GNAI1: variants seen among roughly 807,000 people sequenced by gnomAD.
GNAI1 encodes G protein subunit alpha i1, also known as guanine nucleotide-binding protein G(i) subunit alpha-1.
GNAI1 carries 11 observed loss-of-function variants against 38.9 expected under a neutral mutation model. The ratio of observed to expected loss-of-function variants is 0.28; its 90% confidence interval spans 0.18 to 0.47. The LOEUF (loss-of-function observed/expected upper bound fraction) is 0.47, where lower values mean the gene tolerates loss of function less well. GNAI1 is among the 20% of genes least tolerant of loss of function. The probability of loss-of-function intolerance (pLI) is 0.99; values close to 1 mark genes in which losing one functional copy is unlikely to be tolerated. For synonymous variants in GNAI1, 166 were observed against 145.1 expected (o/e 1.14, Z -1.04); for missense variants, 317 against 436.9 (o/e 0.73, Z 2.45).
chr7:80,225,438 T>A lies in GNAI1; in HGVS notation c.*7945T>A, dbSNP rs970952076. Among the ~76,000 whole-genome samples the A allele has an allele frequency of 7.9e-5, 12 of 152,196 alleles. No individual in the cohort carries two copies. The highest frequency in any genetic ancestry group is 2.9e-4 in the African/African-American group (12 of 41,458). ...GCCAAATCAAAAGATTAGTGGGGTT[T>A]TTTTTAATGTTGTTATTGTGTTGTG... is the stretch of plus-strand genomic sequence containing the variant. On this transcript the variant is annotated 3_prime_UTR_variant, in exon 8 of 8. Transcript: ENST00000649796.
At chr7:80,164,371 C>CT (rs932754419) in intron 1 of GNAI1, among the ~76,000 whole-genome samples, 17 of 145,736 alleles carry the variant, frequency 1.2e-4, no homozygotes, top group South Asian at 1.1e-3. Context: ...TCCTTTTTTT[C>CT]TTTTTTTTTG....
At chr7:80,147,421 G>C (rs1787643903) in intron 1 of GNAI1, among the ~76,000 whole-genome samples, 3 of 150,172 alleles carry the variant, frequency 2.0e-5, no homozygotes, top group Admixed American at 1.3e-4. Flanking sequence ...GTACCAAGAA[G>C]TGGCCATATG....
chr7:80,135,828 T>A (rs1203357873), intron 1 of GNAI1: 1 of 985,110 alleles, frequency 1.0e-6, no homozygotes, highest in African/African-American at 1.7e-5. Context: ...CTATGGCGAC[T>A]CCTTAAGTGG....
chr7:80,202,048 G>T (rs1788693194), intron 4 of GNAI1, among the ~76,000 whole-genome samples: 1 of 151,976 alleles, frequency 6.6e-6, no homozygotes, highest in Non-Finnish European at 1.5e-5. Context: ...ACTATTTTTA[G>T]AGATTTTTTT....
chr7:80,193,120 CG>C (rs1191789003), intron 3 of GNAI1, among the ~76,000 whole-genome samples: 15 of 152,032 alleles, frequency 9.9e-5, no homozygotes, highest in African/African-American at 3.4e-4. Context: ...GTAGAGTAAG[CG>C]CACCCCATTT....
At chr7:80,147,867 C>T (rs17153492) in intron 1 of GNAI1, among the ~76,000 whole-genome samples, 5,964 of 152,176 alleles carry the variant, frequency 0.039, 181 homozygotes, top group African/African-American at 0.089. Flanking sequence ...TCTTATGAAA[C>T]GTGTAAATTC....
intron 1 of GNAI1, among the ~76,000 whole-genome samples, chr7:80,142,378 C>G (rs922101523): frequency 6.6e-6 from 1 of 152,192 alleles, no homozygotes; most frequent in Non-Finnish European, 1.5e-5. Flanking sequence ...TTACTCAAGT[C>G]GTAATGTGAA....
chr7:80,184,821 C>T lies in GNAI1; in HGVS notation c.119-4130C>T, dbSNP rs375153643. On this transcript the variant is annotated intron_variant, in intron 1 of 7. Coordinates refer to ENST00000649796, the MANE Select transcript of GNAI1 (RefSeq NM_002069.6). ...TATAACATCACAACTTTGGCTTTAT[C>T]GCCACTGGCCAACCATAACCATTGC... 7.2e-5 allele frequency among the ~76,000 whole-genome samples: 11 copies of T among 152,260 alleles called. No individual in the cohort carries two copies. In the South Asian group the frequency reaches 8.3e-4, roughly 11 times the overall value.
intron 7 of GNAI1, 75 bp from the exon 8 acceptor site, chr7:80,217,228 A>ATGAAACTGACTTCAGTTTCATATGTT: frequency 1.0e-6 from 1 of 988,066 alleles, no homozygotes. Flanking sequence ...TTTCATATGT[A>ATGAAACTGACTTCAGTTTCATATGTT]TGAAACTGAA....
intron 6 of GNAI1, among the ~76,000 whole-genome samples, 195 bp from the exon 7 acceptor site, chr7:80,212,521 A>G (rs1429729516): frequency 2.0e-5 from 3 of 152,214 alleles, no homozygotes; most frequent in Non-Finnish European, 4.4e-5. Context: ...GTTGAATGCA[A>G]AAAGTGGTGA....
intron 1 of GNAI1, among the ~76,000 whole-genome samples, chr7:80,169,768 A>G (rs1383703301): frequency 6.6e-6 from 1 of 152,224 alleles, no homozygotes; most frequent in East Asian, 1.9e-4. Flanking sequence ...CCATTACCAT[A>G]ATCAATTTTG....
intron 1 of GNAI1, among the ~76,000 whole-genome samples, chr7:80,178,809 T>TA (rs1788240173): frequency 6.6e-6 from 1 of 152,168 alleles, no homozygotes; most frequent in Non-Finnish European, 1.5e-5. Context: ...GGTATACCTG[T>TA]ACAAAAATAA....
At chr7:80,163,058 T>C (rs1787950456) in intron 1 of GNAI1, among the ~76,000 whole-genome samples, 1 of 152,148 alleles carries the variant, frequency 6.6e-6, no homozygotes, top group Admixed American at 6.5e-5. Flanking sequence ...GAGGACTTGC[T>C]GAGACACCCA....
intron 4 of GNAI1, 123 bp from the exon 5 acceptor site, chr7:80,203,581 A>G: frequency 1.6e-6 from 1 of 625,414 alleles, no homozygotes; most frequent in Non-Finnish European, 2.8e-6. Context: ...TTACACACAA[A>G]TTTAAAAACT....
At chr7:80,210,186 C>T (rs1788848209) in intron 5 of GNAI1, among the ~76,000 whole-genome samples, 1 of 152,068 alleles carries the variant, frequency 6.6e-6, no homozygotes, top group Non-Finnish European at 1.5e-5. Flanking sequence ...TTAACTTTTG[C>T]TTAACTTTAT....
intron 1 of GNAI1, among the ~76,000 whole-genome samples, chr7:80,141,153 G>T (rs902576814): frequency 2.0e-5 from 3 of 152,136 alleles, no homozygotes; most frequent in African/African-American, 7.2e-5. Context: ...TCAGGGATTG[G>T]GACATATTTA....
At position 80,176,523 on chromosome 7, in the gene GNAI1, T is replaced by C. The variant is rs573066131; in HGVS notation, c.119-12428T>C. ...TTCATAGCTAGAGAGGAAAAGTCAGTGCCTGGCTTCAGAGCTACAAAGGAC... is the reference window on the plus strand; with the variant it reads ...TTCATAGCTAGAGAGGAAAAGTCAGCGCCTGGCTTCAGAGCTACAAAGGAC... On this transcript the variant is annotated intron_variant, in intron 1 of 7. Transcript: ENST00000649796. Among the ~76,000 whole-genome samples the C allele has an allele frequency of 1.7e-4, 26 of 152,316 alleles. No individual in the cohort carries two copies. In the South Asian group the frequency reaches 5.4e-3, roughly 32 times the overall value.
In GNAI1 at chr7:80,218,151, A is replaced by G. The variant is rs565642048; in HGVS notation, c.*658A>G. 2.6e-5 allele frequency: 4 copies of G among 152,382 alleles called. No individual in the cohort carries two copies. In the East Asian group the frequency reaches 5.8e-4, roughly 22 times the overall value. 9.4% of individuals were successfully genotyped at this position (152,382 alleles called of 1,614,324 possible). ...TTTGGATCAACTATTTAAACATTGT[A>G]TGCATTTTGATTTTTCCTACTTTAA... On this transcript the variant is annotated 3_prime_UTR_variant, in exon 8 of 8. Transcript: ENST00000649796.
chr7:80,171,445 T>G (rs1181983518), intron 1 of GNAI1, among the ~76,000 whole-genome samples: 1 of 152,214 alleles, frequency 6.6e-6, no homozygotes, highest in Non-Finnish European at 1.5e-5. Flanking sequence ...TGAAGGCTTG[T>G]CTTTTATTGA....
Sources: allele counts gnomAD v4.1 joint callset (sites outside exome capture counted in the v4.1 genomes callset), GRCh38; gene constraint gnomAD v4.1.1; transcripts MANE v1.5; gene names NCBI Gene and HGNC (gene_info 2026-07-23, HGNC 2026-07-21).